FUT6: variants seen among roughly 807,000 people sequenced by gnomAD.
FUT6 encodes fucosyltransferase 6.
For synonymous variants in FUT6, 187 were observed against 209.9 expected (o/e 0.89, Z 0.94); for missense variants, 454 against 494.6 (o/e 0.92, Z 0.78).
chr19:5,833,808 G>A (rs888081052), intron 2 of FUT6, among the ~76,000 whole-genome samples: 5 of 149,308 alleles, frequency 3.3e-5, no homozygotes, highest in Non-Finnish European at 6.0e-5. Context: ...AAAAAAAAAA[G>A]AAAGAAATAT....
chr19:5,833,793 CAA>C (rs72442142), intron 2 of FUT6, among the ~76,000 whole-genome samples: 41 of 112,840 alleles, frequency 3.6e-4, no homozygotes, highest in Non-Finnish European at 3.8e-4. Context: ...ATTCCATCTC[CAA>C]AAAAAAAAAA....
Position 5,831,389 on chromosome 19 carries a change from A to C in FUT6, c.*99T>G. ...AGGCAGGTGAGTCCTCAGGCAGGTG[A>C]AGCTTCAGGCAAACGAGTCCTTAGG... On this transcript the variant is annotated 3_prime_UTR_variant, in exon 3 of 3. Transcript: ENST00000318336. The surrounding 1 kb of genome is among the most constrained non-coding windows in gnomAD (Gnocchi z 7.0). The C allele has an allele frequency of 6.2e-7, 1 of 1,612,032 alleles. No homozygotes were observed. Among genetic ancestry groups the C allele is most frequent in the South Asian group, 1.1e-5 (1 of 91,076 alleles).
At chr19:5,837,865 G>A (rs1243812741) in intron 1 of FUT6, 1 of 152,214 alleles carries the variant, frequency 6.6e-6, no homozygotes. Flanking sequence ...GGTGTGATGA[G>A]AAGGGATTGA....
chr19:5,830,996 A>C lies in FUT6; in HGVS notation c.*492T>G, dbSNP rs940173496. The C allele has an allele frequency of 1.9e-5, 8 of 427,764 alleles. No homozygotes were observed. The highest frequency in any genetic ancestry group is 1.8e-4 in the South Asian group (8 of 43,436). 26.5% of individuals were successfully genotyped at this position (427,764 alleles called of 1,614,324 possible). ...ACAGGCGGCTAACAACATCACAAAC[A>C]AATCAGCCAGAACCATCACTCATGG... On this transcript the variant is annotated 3_prime_UTR_variant, in exon 3 of 3. Coordinates refer to ENST00000318336, the MANE Select transcript of FUT6 (RefSeq NM_000150.4).
chr19:5,832,834 G>A lies in FUT6; in HGVS notation c.-12-255C>T, dbSNP rs140902372. ...GCAAGGGTCCCTGGGGAAGTTGGGA[G>A]AGGCCCCAAGGGCCCTCAGGTCCCA... is the stretch of plus-strand genomic sequence containing the variant. On this transcript the variant is annotated intron_variant, in intron 2 of 2. Transcript: ENST00000318336. The surrounding 1 kb of genome is among the most constrained non-coding windows in gnomAD (Gnocchi z 4.3). The A allele has an allele frequency of 1.9e-6, 1 of 528,642 alleles. No individual in the cohort carries two copies. The highest frequency in any genetic ancestry group is 1.9e-5 in the African/African-American group (1 of 52,584). 32.7% of individuals were successfully genotyped at this position (528,642 alleles called of 1,614,324 possible).
Position 5,831,259 on chromosome 19 carries a change from G to C in FUT6, c.*229C>G. 1 of 942,062 alleles carries C rather than the reference G, an allele frequency of 1.1e-6. No homozygotes were observed. 58.4% of individuals were successfully genotyped at this position (942,062 alleles called of 1,614,324 possible). A position where few individuals can be genotyped will look rare whatever the true frequency, so the allele number is the denominator to read the frequency against. On this transcript the variant is annotated 3_prime_UTR_variant, in exon 3 of 3. Coordinates refer to ENST00000318336, the MANE Select transcript of FUT6 (RefSeq NM_000150.4). This position sits in a 1 kb window ranked among gnomAD's most constrained non-coding sequence, Gnocchi z 7.0. Reference sequence around the variant, plus strand: ...GCCAGCATGTGAAATCCCAGGTAAGGGACATACCTGGCCACCGAAGACTCC... The same window carrying C: ...GCCAGCATGTGAAATCCCAGGTAAGCGACATACCTGGCCACCGAAGACTCC...
In FUT6 at chr19:5,832,011, G is replaced by A. The variant is rs746005478; in HGVS notation, c.557C>T (p.Ser186Leu). Residue 186 changes from serine to leucine, a missense_variant, in exon 3 of 3, where the codon TCG (serine) becomes TTG (leucine). Physicochemically the swap from Ser to Leu is moderately radical, Grantham distance 145 (BLOSUM62 -2). Transcript: ENST00000318336. The surrounding 1 kb of genome is among the most constrained non-coding windows in gnomAD (Gnocchi z 4.3). ...CCAGGCCACCAGCTCGGTCTTGGCC[G>A]AGAGGTTGAGCGGTGGGTGGGCAGG... ...GQPAHPPLNL[S>L]AKTELVAWAV... 9.3e-6 allele frequency: 15 copies of A among 1,613,782 alleles called. 1 individual carries two copies. Among genetic ancestry groups the A allele is most frequent in the South Asian group, 6.6e-5 (6 of 91,080 alleles).
chr19:5,833,025 T>C (rs1244981853), intron 2 of FUT6: 2 of 200,682 alleles, frequency 1.0e-5, no homozygotes, highest in Non-Finnish European at 2.1e-5. Flanking sequence ...ATATAAGAGC[T>C]CACCAGATAG....
Position 5,831,727 on chromosome 19 carries a change from C to T in FUT6, c.841G>A (p.Glu281Lys), listed in dbSNP as rs775816715. Residue 281 changes from glutamate (E) to lysine (K), a missense_variant, in exon 3 of 3, where the codon GAG becomes AAG. Coordinates refer to ENST00000318336, the MANE Select transcript of FUT6 (RefSeq NM_000150.4). This position sits in a 1 kb window ranked among gnomAD's most constrained non-coding sequence, Gnocchi z 7.0. Reference protein sequence around the residue: ...VVLGPSRSNYERFLPPDAFIH... With the variant: ...VVLGPSRSNYKRFLPPDAFIH... ...AAGGCGTCGGGTGGCAGGAACCTCT[C>T]GTAGTTGCTTCTGCTGGGGCCCAGC... The T allele has an allele frequency of 1.4e-5, 22 of 1,612,036 alleles. No homozygotes were observed. The highest frequency in any genetic ancestry group is 1.0e-4 in the Admixed American group (6 of 59,912).
intron 1 of FUT6, among the ~76,000 whole-genome samples, chr19:5,835,299 C>T (rs942121610): frequency 5.3e-5 from 8 of 152,166 alleles, no homozygotes; most frequent in South Asian, 2.1e-4. Flanking sequence ...CCTTGCAGCC[C>T]TACAGCTGTC....
At position 5,832,615 on chromosome 19, in the gene FUT6, T is replaced by C; in HGVS notation, c.-12-36A>G. 1 of 1,472,386 alleles carries C rather than the reference T, an allele frequency of 6.8e-7. No individual in the cohort carries two copies. Among genetic ancestry groups the C allele is most frequent in the Non-Finnish European group, 9.5e-7 (1 of 1,052,042 alleles). The allele number at this position is 1,472,386 out of a possible 1,614,324, so 91.2% of individuals were successfully genotyped here. The stretch of plus-strand genomic sequence containing the variant: ...GGGAGAGAGGAGTGAGGGTCATTGA[T>C]GACAATCTCCTGCTTACCAAAGCTC... On this transcript the variant is annotated intron_variant, in intron 2 of 2. Transcript: ENST00000318336. The surrounding 1 kb of genome is among the most constrained non-coding windows in gnomAD (Gnocchi z 4.3).
chr19:5,836,518 A>G (rs967073359), intron 1 of FUT6, among the ~76,000 whole-genome samples: 6 of 152,080 alleles, frequency 3.9e-5, no homozygotes, highest in Admixed American at 6.6e-5. Flanking sequence ...GCCCGGCCCA[A>G]TGCTAATTTA....
At position 5,836,196 on chromosome 19, in the gene FUT6, G is replaced by A. The variant is rs540789138; in HGVS notation, c.-140-1119C>T. Among the ~76,000 whole-genome samples, 3 of 70,092 alleles carry A rather than the reference G, an allele frequency of 4.3e-5. No individual in the cohort carries two copies. The East Asian group carries it at 2.0e-3, about 46-fold the overall frequency. 46.0% of individuals were successfully genotyped at this position (70,092 alleles called of 152,430 possible). On this transcript the variant is annotated intron_variant, in intron 1 of 2. Coordinates refer to ENST00000318336, the MANE Select transcript of FUT6 (RefSeq NM_000150.4). ...TCTGTGAGCCACTGTGCCCGGCCTGGCTAATGTTAATTTTCTTTTCTTTTC... is the reference window on the plus strand; with the variant it reads ...TCTGTGAGCCACTGTGCCCGGCCTGACTAATGTTAATTTTCTTTTCTTTTC...
chr19:5,831,538 G>T lies in FUT6; in HGVS notation c.1030C>A (p.Gln344Lys). The change falls in exon 3 of 3, where the codon CAG (glutamine) becomes AAG (lysine). Residue 344 changes from glutamine to lysine, a missense_variant. Gln to Lys is a moderately conservative substitution (Grantham distance 53). Coordinates refer to ENST00000318336, the MANE Select transcript of FUT6 (RefSeq NM_000150.4). The surrounding 1 kb of genome is among the most constrained non-coding windows in gnomAD (Gnocchi z 7.0). The stretch of plus-strand genomic sequence containing the variant: ...CGTGTCTGGTACCTGGATTCCTCCT[G>T]CAGTTTCCAGCAGGCCTTGCAGAAA... The part of the protein sequence containing the change: ...LAFCKACWKL[Q>K]EESRYQTRGI... 1 of 1,614,144 alleles carries T rather than the reference G, an allele frequency of 6.2e-7. No homozygotes were observed. The highest frequency in any genetic ancestry group is 1.3e-5 in the African/African-American group (1 of 75,060).
At chr19:5,838,019 T>A (rs2057204905) in intron 1 of FUT6, 1 of 152,086 alleles carries the variant, frequency 6.6e-6, no homozygotes, top group African/African-American at 2.4e-5. Flanking sequence ...AGTGAAAGGT[T>A]AATGTTTAGA....
intron 2 of FUT6, among the ~76,000 whole-genome samples, chr19:5,833,228 G>A (rs553240748): frequency 5.8e-4 from 88 of 152,350 alleles, no homozygotes; most frequent in Middle Eastern, 6.8e-3. Context: ...CATGCGCGGT[G>A]GTTCATGCCT....
At chr19:5,833,611 T>C (rs10402728) in intron 2 of FUT6, among the ~76,000 whole-genome samples, 110,711 of 151,440 alleles carry the variant, frequency 0.73, 40,641 homozygotes, top group East Asian at 0.87. Flanking sequence ...CTGGCCAACG[T>C]GGTGAAACCC....
In FUT6 at chr19:5,837,836, C is replaced by T. The variant is rs1206498929; in HGVS notation, c.-141+841G>A. The T allele has an allele frequency of 1.1e-4, 17 of 152,140 alleles. No individual in the cohort carries two copies. The East Asian group carries it at 3.3e-3, about 29-fold the overall frequency. The allele number at this position is 152,140 out of a possible 1,614,324, so 9.4% of individuals were successfully genotyped here. A position where few individuals can be genotyped will look rare whatever the true frequency, so the allele number is the denominator to read the frequency against. On this transcript the variant is annotated intron_variant, in intron 1 of 2. Transcript: ENST00000318336. ...CTAAACCTTATGGTGCATAGCGGAG[C>T]TCCAGGCATGGTGACCTAGGTGTGA...
In FUT6 at chr19:5,832,427, C is replaced by A. The variant is rs752375759; in HGVS notation, c.141G>T (p.Gly47=). The A allele has an allele frequency of 1.9e-6, 3 of 1,613,960 alleles. No homozygotes were observed. Among genetic ancestry groups the A allele is most frequent in the South Asian group, 1.1e-5 (1 of 91,064 alleles). Residue 47 remains glycine (G), a synonymous_variant, in exon 3 of 3, where the codon GGG becomes GGT. Transcript: ENST00000318336. This position sits in a 1 kb window ranked among gnomAD's most constrained non-coding sequence, Gnocchi z 4.3. ...SQDDPTVYPN[G]SRFPDSTGTP... Reference sequence around the variant, plus strand: ...TCCCTGTGCTGTCTGGGAAGCGGGACCCATTAGGGTACACAGTGGGATCGT... The same window carrying A: ...TCCCTGTGCTGTCTGGGAAGCGGGAACCATTAGGGTACACAGTGGGATCGT...
Sources: gnomAD v4.1 joint callset for allele counts (sites outside exome capture counted in the v4.1 genomes callset) on GRCh38, gnomAD v4.1.1 for gene constraint, Gnocchi (gnomAD v3.1) non-coding constraint, MANE v1.5 for transcripts, NCBI Gene and HGNC (gene_info 2026-07-23, HGNC 2026-07-21) for gene names.